The following HS1BP3 variants were observed in gnomAD, a reference collection of about 807,000 sequenced individuals.
HS1BP3 encodes HCLS1-binding protein 3.
Under a neutral mutation model 33.5 loss-of-function variants are expected in HS1BP3, and 32 were observed. The ratio of observed to expected loss-of-function variants is 0.95; its 90% CI spans 0.72 to 1.28. The LOEUF (loss-of-function observed/expected upper bound fraction) is 1.28. HS1BP3 is among the 50% of genes most tolerant of loss of function. HS1BP3 has a pLI of 0.00. For missense variants in HS1BP3, 486 were observed against 502.3 expected, an observed-to-expected ratio of 0.97 and a Z score of 0.31; for synonymous variants, 187 against 209.2, an observed-to-expected ratio of 0.89 and a Z score of 0.92.
At chr2:20,646,254 G>A (rs114495911) in intron 1 of HS1BP3, among the ~76,000 whole-genome samples, 188 of 152,246 alleles carry the variant, frequency 1.2e-3, no homozygotes, top group Middle Eastern at 3.4e-3. Context: ...CATCCCTCAC[G>A]CAAACACCTC....
intron 3 of HS1BP3, among the ~76,000 whole-genome samples, chr2:20,596,673 C>T (rs929358559): frequency 6.6e-6 from 1 of 152,182 alleles, no homozygotes; most frequent in African/African-American, 2.4e-5. Flanking sequence ...TTACTTTTAT[C>T]TCTTCCCCCC....
chr2:20,630,442 A>AT (rs1694934980), intron 4 of HS1BP3, among the ~76,000 whole-genome samples: 1 of 151,854 alleles, frequency 6.6e-6, no homozygotes, highest in African/African-American at 2.4e-5. Context: ...TTAAAAAATA[A>AT]TTTTTTTGTC....
intron 2 of HS1BP3, among the ~76,000 whole-genome samples, chr2:20,642,250 C>G (rs546597131): frequency 6.6e-6 from 1 of 152,322 alleles, no homozygotes; most frequent in South Asian, 2.1e-4. Flanking sequence ...CTGACGCCCT[C>G]GGGCTCGGGG....
At chr2:20,582,159 G>A (rs1319448773) in intron 5 of HS1BP3, among the ~76,000 whole-genome samples, 1 of 152,238 alleles carries the variant, frequency 6.6e-6, no homozygotes, top group Admixed American at 6.5e-5. Flanking sequence ...GATTTATGCA[G>A]GGTGTGACCA....
At chr2:20,622,678 C>G in intron 6 of HS1BP3, 2 of 233,606 alleles carry the variant, frequency 8.6e-6, no homozygotes, top group East Asian at 1.8e-4. Flanking sequence ...AGCCACCCCA[C>G]TGGGACACAT....
intron 6 of HS1BP3, chr2:20,622,122 G>A (rs989955193): frequency 1.7e-5 from 20 of 1,194,958 alleles, no homozygotes; most frequent in Middle Eastern, 2.9e-4. Flanking sequence ...TACACCCCAC[G>A]CGGCCTCAGG....
chr2:20,629,956 C>A (rs72784303), intron 4 of HS1BP3, among the ~76,000 whole-genome samples: 1 of 152,162 alleles, frequency 6.6e-6, no homozygotes, highest in Non-Finnish European at 1.5e-5. Context: ...ACCCAGGGGG[C>A]CTGTGGCACC....
intron 4 of HS1BP3, among the ~76,000 whole-genome samples, chr2:20,633,083 CAAAG>C (rs1695016221): frequency 6.6e-6 from 1 of 152,208 alleles, no homozygotes; most frequent in African/African-American, 2.4e-5. Context: ...CCCTACTCTA[CAAAG>C]AAAGAAACAG....
chr2:20,620,170 G>A (rs769746114), intron 6 of HS1BP3, among the ~76,000 whole-genome samples: 8 of 152,248 alleles, frequency 5.3e-5, no homozygotes, highest in Non-Finnish European at 8.8e-5. Flanking sequence ...CTGAACACCC[G>A]TGATGGCCAG....
rs571154318 is a variant in HS1BP3 at position 20,577,262 on chromosome 2, G to A, written c.303-16747C>T. Among the ~76,000 whole-genome samples, 72 of 152,180 alleles carry A rather than the reference G, an allele frequency of 4.7e-4. 1 individual carries two copies. The South Asian group carries it at 0.015, about 31-fold the overall frequency. Reference sequence around the variant, plus strand: ...AGGGCCTGGGAGCTGAGTGGGGAGAGGGTGGGAAAGGGGGACCCTCCTGAT... The same window carrying A: ...AGGGCCTGGGAGCTGAGTGGGGAGAAGGTGGGAAAGGGGGACCCTCCTGAT... On this transcript the variant is annotated intron_variant, in intron 5 of 5. Transcript: ENST00000446825.
downstream of HS1BP3, among the ~76,000 whole-genome samples, chr2:20,557,879 C>T (rs1692877134): frequency 6.6e-6 from 1 of 152,198 alleles, no homozygotes; most frequent in Admixed American, 6.5e-5. Flanking sequence ...AAGGGGTCCT[C>T]AAAGCCTTGA....
downstream of HS1BP3, among the ~76,000 whole-genome samples, chr2:20,558,562 G>A (rs930608102): frequency 6.6e-6 from 1 of 152,218 alleles, no homozygotes; most frequent in Admixed American, 6.5e-5. Context: ...ACGGACGGAG[G>A]GGATGTGTCA....
chr2:20,593,093 T>A (rs1572315892), intron 3 of HS1BP3, among the ~76,000 whole-genome samples: 1 of 98,118 alleles, frequency 1.0e-5, no homozygotes, highest in Non-Finnish European at 2.2e-5. Context: ...GTCCCCCCAC[T>A]GTCCCCCCAG....
intron 4 of HS1BP3, chr2:20,638,013 G>C (rs1235567961): frequency 3.5e-6 from 1 of 289,512 alleles, no homozygotes; most frequent in Non-Finnish European, 6.4e-6. Flanking sequence ...TGGAGGCAGG[G>C]CCAAGGTGAA....
At chr2:20,571,197 G>GTCAA (rs1693261824) in intron 5 of HS1BP3, among the ~76,000 whole-genome samples, 5 of 152,178 alleles carry the variant, frequency 3.3e-5, no homozygotes, top group African/African-American at 1.2e-4. Flanking sequence ...GTTCCTTGAC[G>GTCAA]GTACCCCAGC....
chr2:20,615,798 C>T (rs572524864), downstream of HS1BP3, among the ~76,000 whole-genome samples: 1 of 152,378 alleles, frequency 6.6e-6, no homozygotes, highest in East Asian at 1.9e-4. Context: ...AGTGGCTGGA[C>T]TTTGCTGTCT....
At chr2:20,608,136 T>C (rs1023414616) in intron 2 of HS1BP3, among the ~76,000 whole-genome samples, 1 of 152,240 alleles carries the variant, frequency 6.6e-6, no homozygotes, top group African/African-American at 2.4e-5. Flanking sequence ...ATAGTTTTTT[T>C]GTAGATTCTT....
At chr2:20,620,454 G>A (rs541462129) in intron 6 of HS1BP3, among the ~76,000 whole-genome samples, 1 of 152,294 alleles carries the variant, frequency 6.6e-6, no homozygotes, top group South Asian at 2.1e-4. Flanking sequence ...CAGCCATGCT[G>A]GAATCAGGTG....
intron 5 of HS1BP3, among the ~76,000 whole-genome samples, chr2:20,570,153 C>T (rs141257946): frequency 3.5e-4 from 53 of 149,632 alleles, no homozygotes; most frequent in African/African-American, 1.3e-3. Flanking sequence ...CCTCAGCACC[C>T]TCTTCTCATG....
Sources: gnomAD v4.1 joint callset for allele counts (sites outside exome capture counted in the v4.1 genomes callset) on GRCh38, gnomAD v4.1.1 for gene constraint, MANE v1.5 for transcripts, NCBI Gene and HGNC (gene_info 2026-07-23, HGNC 2026-07-21) for gene names.